SRP9: variants seen among roughly 807,000 people sequenced by gnomAD.
SRP9 encodes the protein signal recognition particle 9.
In SRP9, 2 loss-of-function variants were observed where a neutral mutation model predicts 11.7. The observed-to-expected ratio is 0.17, with a 90% CI of 0.07 to 0.54. The LOEUF (loss-of-function observed/expected upper bound fraction) is 0.54, where lower values mean the gene tolerates loss of function less well. SRP9 is among the 20% of genes least tolerant of loss of function. SRP9 has a pLI of 0.94. For missense variants in SRP9, 54 were observed against 108.1 expected, an observed-to-expected ratio of 0.50 and a Z score of 2.22; for synonymous variants, 27 against 35.6, an observed-to-expected ratio of 0.76 and a Z score of 0.86.
intron 2 of SRP9, 31 bp downstream of exon 2, chr1:225,783,399 T>G (rs2102648838): frequency 6.6e-7 from 1 of 1,518,014 alleles, no homozygotes; most frequent in East Asian, 2.3e-5. Context: ...GTTACATACT[T>G]TCAGATTTGT....
At chr1:225,784,941 A>G (rs1273836231) in intron 2 of SRP9, among the ~76,000 whole-genome samples, 1 of 152,050 alleles carries the variant, frequency 6.6e-6, no homozygotes, top group East Asian at 1.9e-4. Flanking sequence ...GATTTTTTTT[A>G]ATTAAAAAAA....
intron 1 of SRP9, among the ~76,000 whole-genome samples, chr1:225,780,830 G>A (rs1665780320): frequency 6.6e-6 from 1 of 152,218 alleles, no homozygotes; most frequent in Non-Finnish European, 1.5e-5. Flanking sequence ...TGTAATTGAA[G>A]ATGGCATTAC....
At chr1:225,787,330 C>G (rs796066848) in intron 2 of SRP9, among the ~76,000 whole-genome samples, 1 of 151,948 alleles carries the variant, frequency 6.6e-6, no homozygotes, top group Non-Finnish European at 1.5e-5. Flanking sequence ...GTCAGGAGTT[C>G]GAGACCAGCC....
chr1:225,781,626 C>T (rs1314451000), intron 1 of SRP9, among the ~76,000 whole-genome samples: 2 of 152,042 alleles, frequency 1.3e-5, no homozygotes, highest in Non-Finnish European at 2.9e-5. Context: ...TCTCGAACTC[C>T]TGACCTCGTG....
chr1:225,788,444 T>G (rs1665959452), intron 2 of SRP9, among the ~76,000 whole-genome samples: 1 of 143,120 alleles, frequency 7.0e-6, no homozygotes, highest in Non-Finnish European at 1.5e-5. Context: ...TGAGACGGAA[T>G]CTCACTCTGT....
intron 2 of SRP9, among the ~76,000 whole-genome samples, chr1:225,788,622 G>A (rs560074433): frequency 1.3e-5 from 2 of 151,994 alleles, no homozygotes; most frequent in South Asian, 4.2e-4. Context: ...CACCATATTG[G>A]CCAGGCTGGT....
intron 1 of SRP9, among the ~76,000 whole-genome samples, chr1:225,782,133 A>G (rs1665811370): frequency 6.6e-6 from 1 of 151,976 alleles, no homozygotes; most frequent in South Asian, 2.1e-4. Flanking sequence ...TCTGGCTTGT[A>G]GATAAGTAGC....
At position 225,785,719 on chromosome 1, in the gene SRP9, A is replaced by G. The variant is rs548959531; in HGVS notation, c.141+2351A>G. ...TTTTTTAAAGAAGGAGTCTGGCTCT[A>G]TTACCCAGACTGGAGTGCAATGGTT... On this transcript the variant is annotated intron_variant, in intron 2 of 2. Transcript: ENST00000304786. 1.9e-4 allele frequency among the ~76,000 whole-genome samples: 25 copies of G among 131,890 alleles called. No individual in the cohort carries two copies. The South Asian group carries it at 3.6e-3, about 19-fold the overall frequency. The allele number at this position is 131,890 out of a possible 152,430, so 86.5% of individuals were successfully genotyped here. A position where few individuals can be genotyped will look rare whatever the true frequency, so the allele number is the denominator to read the frequency against.
At chr1:225,783,989 C>T (rs1188018405) in intron 2 of SRP9, among the ~76,000 whole-genome samples, 4 of 151,388 alleles carry the variant, frequency 2.6e-5, no homozygotes, top group Non-Finnish European at 4.4e-5. Flanking sequence ...TTTCATTCTT[C>T]TTTGCTGATT....
intron 1 of SRP9, 52 bp downstream of exon 1, chr1:225,778,064 C>A (rs1665719390): frequency 6.3e-7 from 1 of 1,597,826 alleles, no homozygotes; most frequent in South Asian, 1.1e-5. Context: ...GATGTCTTCC[C>A]GCCATCCACT....
chr1:225,786,719 C>T (rs1665923269), intron 2 of SRP9: 1 of 1,051,080 alleles, frequency 9.5e-7, no homozygotes, highest in Non-Finnish European at 1.2e-6. Flanking sequence ...CTTCTGGTCT[C>T]AATTTCCTCA....
intron 1 of SRP9, among the ~76,000 whole-genome samples, chr1:225,779,635 A>G (rs1665756810): frequency 6.6e-6 from 1 of 152,216 alleles, no homozygotes; most frequent in Admixed American, 6.5e-5. Context: ...CCACAGAAAG[A>G]CCTAGCTAAG....
chr1:225,780,745 C>A (rs554365410), intron 1 of SRP9, among the ~76,000 whole-genome samples: 1 of 152,290 alleles, frequency 6.6e-6, no homozygotes, highest in South Asian at 2.1e-4. Flanking sequence ...TTCCAAAATT[C>A]TCTGTCTTCT....
At chr1:225,787,904 T>TA (rs1575955224) in intron 2 of SRP9, among the ~76,000 whole-genome samples, 1 of 152,160 alleles carries the variant, frequency 6.6e-6, no homozygotes, top group Admixed American at 6.5e-5. Flanking sequence ...AAGGCTCACT[T>TA]AAAAAAATCA....
intron 2 of SRP9, among the ~76,000 whole-genome samples, chr1:225,783,712 G>A (rs1403376255): frequency 6.6e-6 from 1 of 152,140 alleles, no homozygotes; most frequent in Admixed American, 6.5e-5. Flanking sequence ...TCCTGTCTTT[G>A]ATATGCTCAT....
chr1:225,777,838 G>T lies in SRP9; in HGVS notation c.-103G>T. 1 of 1,159,460 alleles carries T rather than the reference G, an allele frequency of 8.6e-7. No individual in the cohort carries two copies. Among genetic ancestry groups the T allele is most frequent in the South Asian group, 1.3e-5 (1 of 74,822 alleles). The allele number at this position is 1,159,460 out of a possible 1,614,324, so 71.8% of individuals were successfully genotyped here. A position where few individuals can be genotyped will look rare whatever the true frequency, so the allele number is the denominator to read the frequency against. ...GGTGCGAGGAGGCGCCGCCATCTTG[G>T]GGCTGCTGGGACTCGCGTCGGTTGG... On this transcript the variant is annotated 5_prime_UTR_variant, in exon 1 of 3. Transcript: ENST00000304786.
chr1:225,781,385 TTTTC>T (rs994063844), intron 1 of SRP9, among the ~76,000 whole-genome samples: 3 of 137,094 alleles, frequency 2.2e-5, no homozygotes, highest in Non-Finnish European at 3.1e-5. Context: ...GCCTTTTTTC[TTTTC>T]TTTTTCTTTT....
intron 2 of SRP9, among the ~76,000 whole-genome samples, chr1:225,785,410 T>G (rs935324842): frequency 1.9e-4 from 29 of 150,240 alleles, no homozygotes; most frequent in African/African-American, 6.9e-4. Flanking sequence ...TTTGATGGAG[T>G]CTCGCTCTGT....
chr1:225,785,212 A>G (rs1386823647), intron 2 of SRP9, among the ~76,000 whole-genome samples: 3 of 149,552 alleles, frequency 2.0e-5, no homozygotes, highest in Non-Finnish European at 4.4e-5. Flanking sequence ...CTGGGACTAC[A>G]GCCGTGCACC....
Sources: gnomAD v4.1 joint callset for allele counts (sites outside exome capture counted in the v4.1 genomes callset) on GRCh38, gnomAD v4.1.1 for gene constraint, MANE v1.5 for transcripts, NCBI Gene and HGNC (gene_info 2026-07-23, HGNC 2026-07-21) for gene names.